The following RHBDD1 variants were observed in gnomAD, a reference collection of about 807,000 sequenced individuals.
RHBDD1 encodes the protein rhomboid-related protein 4.
Under a neutral mutation model 36.3 loss-of-function variants are expected in RHBDD1, and 38 were observed. The ratio of observed to expected loss-of-function variants is 1.05; its 90% CI spans 0.81 to 1.37. The LOEUF is 1.37. Among genes scored for constraint, RHBDD1 ranks in the 40% most tolerant of loss-of-function variants. The probability of loss-of-function intolerance (pLI) is 0.00; values close to 1 mark genes in which losing one functional copy is unlikely to be tolerated. For missense variants in RHBDD1, 393 were observed against 377.6 expected (o/e 1.04, Z -0.34); for synonymous variants, 151 against 136.5 (o/e 1.11, Z -0.74).
intron 8 of RHBDD1, among the ~76,000 whole-genome samples, chr2:226,968,494 C>A (rs1466291851): frequency 2.0e-5 from 3 of 152,206 alleles, no homozygotes; most frequent in Non-Finnish European, 2.9e-5. Flanking sequence ...CTAAAATAAT[C>A]TCCCTTAAAG....
chr2:226,861,941 G>A (rs368853595), intron 3 of RHBDD1, among the ~76,000 whole-genome samples: 1 of 152,098 alleles, frequency 6.6e-6, no homozygotes, highest in East Asian at 1.9e-4. Context: ...TATAGAAACG[G>A]GTTGTGCTAA....
chr2:226,954,944 C>G (rs1272942586), intron 8 of RHBDD1, among the ~76,000 whole-genome samples: 1 of 151,892 alleles, frequency 6.6e-6, no homozygotes, highest in Non-Finnish European at 1.5e-5. Context: ...GGGGCAGGCA[C>G]AGTGGGGAGC....
At chr2:226,944,349 G>A (rs1351734589) in intron 8 of RHBDD1, among the ~76,000 whole-genome samples, 1 of 152,182 alleles carries the variant, frequency 6.6e-6, no homozygotes, top group Non-Finnish European at 1.5e-5. Context: ...GCCCCTAGAG[G>A]AGCAGCGGTT....
intron 3 of RHBDD1, among the ~76,000 whole-genome samples, chr2:226,851,665 T>C (rs1261825494): frequency 6.6e-6 from 1 of 152,156 alleles, no homozygotes; most frequent in Non-Finnish European, 1.5e-5. Flanking sequence ...TTGGCAAAAG[T>C]CTCTAGTCCC....
the RHBDD1 span, among the ~76,000 whole-genome samples, chr2:226,817,878 G>C: frequency 6.6e-6 from 1 of 152,150 alleles, no homozygotes; most frequent in East Asian, 1.9e-4. Context: ...AGTGAATTCC[G>C]CAGTCAGTGG....
chr2:226,855,734 G>A (rs759576694), intron 3 of RHBDD1, among the ~76,000 whole-genome samples: 58 of 152,180 alleles, frequency 3.8e-4, no homozygotes, highest in Admixed American at 2.0e-3. Context: ...AGTCTAAGTT[G>A]TAGATATTTC....
chr2:226,801,944 A>C, the RHBDD1 span, among the ~76,000 whole-genome samples: 3 of 152,216 alleles, frequency 2.0e-5, no homozygotes, highest in Non-Finnish European at 2.9e-5. Flanking sequence ...TGGAGTAATT[A>C]ACATTTTGTA....
At chr2:226,812,676 T>C in the RHBDD1 span, among the ~76,000 whole-genome samples, 2 of 151,724 alleles carry the variant, frequency 1.3e-5, no homozygotes, top group Non-Finnish European at 2.9e-5. Context: ...ATGTATGCTT[T>C]TATATACACA....
the RHBDD1 span, among the ~76,000 whole-genome samples, chr2:226,830,282 T>C: frequency 6.6e-6 from 1 of 152,130 alleles, no homozygotes; most frequent in East Asian, 1.9e-4. Flanking sequence ...CTTTCCACCA[T>C]GTAAGGACAC....
the RHBDD1 span, among the ~76,000 whole-genome samples, chr2:226,818,152 A>ATTTT: frequency 9.4e-4 from 81 of 86,230 alleles, 1 homozygote; most frequent in Non-Finnish European, 1.4e-3. Flanking sequence ...TCCAAACAGT[A>ATTTT]TTTTTTTTTT....
chr2:226,981,544 A>G (rs895821065), intron 8 of RHBDD1, among the ~76,000 whole-genome samples: 4 of 146,350 alleles, frequency 2.7e-5, no homozygotes, highest in Non-Finnish European at 5.9e-5. Flanking sequence ...ACACACATCC[A>G]TGCACTCATC....
intron 8 of RHBDD1, among the ~76,000 whole-genome samples, chr2:226,943,784 A>G (rs1206848859): frequency 6.6e-6 from 1 of 152,220 alleles, no homozygotes; most frequent in African/African-American, 2.4e-5. Flanking sequence ...AGTAAGGCCT[A>G]TTTTGCATAT....
At chr2:226,816,446 G>T in the RHBDD1 span, among the ~76,000 whole-genome samples, 2 of 151,374 alleles carry the variant, frequency 1.3e-5, no homozygotes, top group Non-Finnish European at 1.5e-5. Context: ...TCTGGAGAAG[G>T]TTACTTTGAA....
chr2:226,922,441 T>C (rs2125780616), intron 8 of RHBDD1, among the ~76,000 whole-genome samples: 1 of 152,058 alleles, frequency 6.6e-6, no homozygotes, highest in Admixed American at 6.5e-5. Flanking sequence ...TCTCCTGACC[T>C]TGTGATCCGC....
At chr2:226,988,377 AG>A (rs1957461532) in intron 8 of RHBDD1, 6 of 1,550,446 alleles carry the variant, frequency 3.9e-6, no homozygotes, top group Non-Finnish European at 5.2e-6. Context: ...CTGGACCCCA[AG>A]ATAAAGGTCA....
intron 3 of RHBDD1, among the ~76,000 whole-genome samples, chr2:226,863,328 G>T (rs1011259018): frequency 1.3e-5 from 2 of 152,220 alleles, no homozygotes; most frequent in Admixed American, 6.5e-5. Context: ...TACAGAGTGA[G>T]ATTCTGGCTC....
chr2:226,801,659 C>A, the RHBDD1 span, among the ~76,000 whole-genome samples: 4 of 152,104 alleles, frequency 2.6e-5, no homozygotes, highest in Non-Finnish European at 5.9e-5. Flanking sequence ...CCCACTACAG[C>A]AAGGCTATTA....
At chr2:226,861,595 T>A (rs1006084044) in intron 3 of RHBDD1, among the ~76,000 whole-genome samples, 64 of 152,366 alleles carry the variant, frequency 4.2e-4, no homozygotes, top group African/African-American at 1.4e-3. Flanking sequence ...CTGTTGGCAA[T>A]GATATTGAAG....
At chr2:226,937,026 G>A (rs1255018213) in intron 8 of RHBDD1, among the ~76,000 whole-genome samples, 1 of 152,060 alleles carries the variant, frequency 6.6e-6, no homozygotes, top group East Asian at 1.9e-4. Flanking sequence ...TACAGAAAAC[G>A]AAGTTGATTA....
Sources: allele counts gnomAD v4.1 joint callset (sites outside exome capture counted in the v4.1 genomes callset), GRCh38; gene constraint gnomAD v4.1.1; transcripts MANE v1.5; gene names NCBI Gene and HGNC (gene_info 2026-07-23, HGNC 2026-07-21).